Variants in ADAM2 observed in about 807,000 individuals in gnomAD.
ADAM2 encodes the protein disintegrin and metalloproteinase domain-containing protein 2.
ADAM2 carries 101 observed loss-of-function variants against 99.3 expected under a neutral mutation model. The observed-to-expected ratio is 1.02, with a 90% confidence interval of 0.87 to 1.20. ADAM2 has a LOEUF of 1.20. Among genes scored for constraint, ADAM2 ranks in the 50% most tolerant of loss-of-function variants. The pLI is 0.00. For missense variants in ADAM2, 948 were observed against 878.7 expected, an observed-to-expected ratio of 1.08 and a Z score of -1.00; for synonymous variants, 323 against 287.6, an observed-to-expected ratio of 1.12 and a Z score of -1.25.
intron 12 of ADAM2, among the ~76,000 whole-genome samples, chr8:39,768,560 G>T (rs10096756): frequency 6.6e-6 from 1 of 151,832 alleles, no homozygotes; most frequent in African/African-American, 2.4e-5. Flanking sequence ...CTTAAATATC[G>T]ACCTGGATTA....
intron 3 of ADAM2, among the ~76,000 whole-genome samples, chr8:39,826,220 T>C (rs1281459384): frequency 6.6e-6 from 1 of 152,108 alleles, no homozygotes; most frequent in Non-Finnish European, 1.5e-5. Flanking sequence ...CAAAAGAGCA[T>C]AGTACTGGTA....
At chr8:39,824,081 C>T (rs929045903) in intron 4 of ADAM2, among the ~76,000 whole-genome samples, 4 of 151,926 alleles carry the variant, frequency 2.6e-5, no homozygotes, top group Non-Finnish European at 4.4e-5. Context: ...GTCGGGAGTT[C>T]GACACCAGCC....
chr8:39,751,817 T>C (rs764057639), intron 16 of ADAM2, among the ~76,000 whole-genome samples: 11 of 152,024 alleles, frequency 7.2e-5, no homozygotes, highest in Admixed American at 3.3e-4. Flanking sequence ...AAATGCTAAA[T>C]GAAATAAAAT....
At chr8:39,808,227 CAAGT>C (rs1281494353) in intron 7 of ADAM2, among the ~76,000 whole-genome samples, 1 of 130,962 alleles carries the variant, frequency 7.6e-6, no homozygotes, top group Non-Finnish European at 1.7e-5. Context: ...CACACAATTA[CAAGT>C]AATAAACATT....
At position 39,791,190 on chromosome 8, in the gene ADAM2, G is replaced by A. The variant is rs553226218; in HGVS notation, c.571-2450C>T. Among the ~76,000 whole-genome samples the A allele has an allele frequency of 2.3e-3, 346 of 152,052 alleles. 2 individuals carry two copies. The highest frequency in any genetic ancestry group is 3.9e-3 in the Non-Finnish European group (264 of 67,942). On this transcript the variant is annotated intron_variant, in intron 7 of 20. Coordinates refer to ENST00000265708, the MANE Select transcript of ADAM2 (RefSeq NM_001464.5). ...GAATCCAGGGAGAGATAATAGCCAA[G>A]CCAGCCAGTTTTAATAAAAACAGAA...
At chr8:39,806,608 T>C (rs1005791149) in intron 7 of ADAM2, among the ~76,000 whole-genome samples, 1 of 151,352 alleles carries the variant, frequency 6.6e-6, no homozygotes, top group African/African-American at 2.4e-5. Flanking sequence ...AGTGACAAAA[T>C]AGAATATTTA....
intron 3 of ADAM2, 57 bp downstream of exon 3, chr8:39,833,887 C>G (rs1042212916): frequency 4.1e-6 from 4 of 967,448 alleles, no homozygotes; most frequent in Admixed American, 4.0e-5. Flanking sequence ...TGGACAATTT[C>G]AAGCAAAAAT....
chr8:39,773,869 G>A (rs1016869100), intron 11 of ADAM2, among the ~76,000 whole-genome samples: 3 of 151,678 alleles, frequency 2.0e-5, no homozygotes, highest in Admixed American at 1.3e-4. Flanking sequence ...CCAGTCAAAG[G>A]AATTGCAAGA....
intron 3 of ADAM2, among the ~76,000 whole-genome samples, chr8:39,826,923 G>A (rs568150954): frequency 6.6e-6 from 1 of 151,904 alleles, no homozygotes; most frequent in Non-Finnish European, 1.5e-5. Flanking sequence ...AAATTTAGAA[G>A]CTTCTGTACA....
chr8:39,788,849 TACAA>T (rs1297370332), intron 7 of ADAM2, 109 bp from the exon 8 acceptor site: 47 of 552,682 alleles, frequency 8.5e-5, no homozygotes. Context: ...TTATTTAAAT[TACAA>T]ACATATTAGT....
chr8:39,813,890 A>C (rs1261031598), intron 6 of ADAM2, among the ~76,000 whole-genome samples: 4 of 152,186 alleles, frequency 2.6e-5, no homozygotes, highest in Non-Finnish European at 4.4e-5. Context: ...CACGTTGTGC[A>C]CATGTACCCT....
chr8:39,760,578 G>C (rs1802313384), intron 15 of ADAM2, among the ~76,000 whole-genome samples: 2 of 151,936 alleles, frequency 1.3e-5, no homozygotes, highest in Admixed American at 1.3e-4. Flanking sequence ...AAAATTAGAC[G>C]GGCGTGGTGG....
Position 39,834,635 on chromosome 8 carries a change from G to A in ADAM2, c.133-636C>T, listed in dbSNP as rs1022365279. Among the ~76,000 whole-genome samples the A allele has an allele frequency of 2.5e-4, 36 of 146,522 alleles. No individual in the cohort carries two copies. The East Asian group carries it at 5.3e-3, about 21-fold the overall frequency. On this transcript the variant is annotated intron_variant, in intron 2 of 20. Coordinates refer to ENST00000265708, the MANE Select transcript of ADAM2 (RefSeq NM_001464.5). The stretch of plus-strand genomic sequence containing the variant: ...TGTAATCCCAGATACTGGGGAGGCC[G>A]AGACAGGAGAATCACTTGAACCTTG...
At chr8:39,752,878 G>A (rs1413369861) in intron 16 of ADAM2, among the ~76,000 whole-genome samples, 1 of 152,064 alleles carries the variant, frequency 6.6e-6, no homozygotes, top group East Asian at 1.9e-4. Context: ...ATGATTGTGA[G>A]GCCTCCCCAG....
At chr8:39,774,769 C>T (rs931140531) in intron 11 of ADAM2, 2 of 152,140 alleles carry the variant, frequency 1.3e-5, no homozygotes, top group South Asian at 4.1e-4. Context: ...CTTTTCTTTA[C>T]CATTACAACT....
Position 39,837,197 on chromosome 8 carries a change from G to A in ADAM2, c.71C>T (p.Pro24Leu). The A allele has an allele frequency of 6.2e-7, 1 of 1,607,498 alleles. No homozygotes were observed. Among genetic ancestry groups the A allele is most frequent in the Non-Finnish European group, 8.5e-7 (1 of 1,176,240 alleles). ...TTTCTCCGGAACTGTAATTTGCACA[G>A]GTAAACTATCAAAATCTGCAAAATG... ...LRMDSNFDSL[P>L]VQITVPEKIR... Residue 24 changes from proline to leucine, a missense_variant, in exon 2 of 21, where the codon CCT becomes CTT. Coordinates refer to ENST00000265708, the MANE Select transcript of ADAM2 (RefSeq NM_001464.5).
intron 7 of ADAM2, among the ~76,000 whole-genome samples, chr8:39,791,850 A>C (rs1189474107): frequency 1.3e-5 from 2 of 152,046 alleles, no homozygotes; most frequent in African/African-American, 4.8e-5. Flanking sequence ...ATATTGGTCA[A>C]AGGAATCTCA....
Position 39,761,216 on chromosome 8 carries a change from A to T in ADAM2, c.1573T>A (p.Cys525Ser). Residue 525 changes from cysteine (C) to serine (S), a missense_variant, in exon 15 of 21, where the codon TGT becomes AGT. Coordinates refer to ENST00000265708, the MANE Select transcript of ADAM2 (RefSeq NM_001464.5). ...GTGTATCCTGAATCACTTATACCAC[A>T]GTTTCCAGATACATCAGTCTTTGAA... ...LNSKTDVSGN[C>S]GISDSGYTQC... 1 of 1,604,660 alleles carries T rather than the reference A, an allele frequency of 6.2e-7. No individual in the cohort carries two copies. Among genetic ancestry groups the T allele is most frequent in the Non-Finnish European group, 8.5e-7 (1 of 1,174,796 alleles).
rs893731775 is a variant in ADAM2 at position 39,750,360 on chromosome 8, A to T, written c.1798-616T>A. 5.3e-5 allele frequency among the ~76,000 whole-genome samples: 8 copies of T among 152,284 alleles called. No individual in the cohort carries two copies. In the East Asian group the frequency reaches 1.5e-3, roughly 29 times the overall value. Reference sequence around the variant, plus strand: ...CAAATCTCATCTTGTTCATACCATAACAAAAGAGAGAGAAACAGACAAAAA... The same window carrying T: ...CAAATCTCATCTTGTTCATACCATATCAAAAGAGAGAGAAACAGACAAAAA... On this transcript the variant is annotated intron_variant, in intron 16 of 20. Transcript: ENST00000265708.
Sources: gnomAD v4.1 joint callset for allele counts (sites outside exome capture counted in the v4.1 genomes callset) on GRCh38, gnomAD v4.1.1 for gene constraint, MANE v1.5 for transcripts, NCBI Gene and HGNC (gene_info 2026-07-23, HGNC 2026-07-21) for gene names.